HSPH1: variants seen among roughly 807,000 people sequenced by gnomAD.
The protein encoded by HSPH1 is heat shock protein family H (Hsp110) member 1, also known as heat shock protein 105 kDa.
Under a neutral mutation model 100.0 loss-of-function variants are expected in HSPH1, and 40 were observed. That is an observed-to-expected ratio of 0.40 (90% CI 0.31 to 0.52). The LOEUF (loss-of-function observed/expected upper bound fraction) is 0.52, where lower values mean the gene tolerates loss of function less well. Among genes scored for constraint, HSPH1 ranks in the 20% least tolerant of loss-of-function variants. The pLI is 0.54. For missense variants in HSPH1, 876 were observed against 1,015.1 expected, an observed-to-expected ratio of 0.86 and a Z score of 1.86; for synonymous variants, 403 against 344.0, an observed-to-expected ratio of 1.17 and a Z score of -1.90.
chr13:31,145,888 G>A (rs948836339), intron 10 of HSPH1, 120 bp from the exon 11 acceptor site: 3 of 816,056 alleles, frequency 3.7e-6, no homozygotes, highest in South Asian at 1.7e-5. Flanking sequence ...GGGAGGCCGT[G>A]GTGGGTCACT....
At chr13:31,157,181 C>G (rs1956729949) in intron 2 of HSPH1, among the ~76,000 whole-genome samples, 1 of 152,182 alleles carries the variant, frequency 6.6e-6, no homozygotes, top group Non-Finnish European at 1.5e-5. Context: ...TGAAGTATGT[C>G]TAGTAGTATA....
Position 31,140,292 on chromosome 13 carries a change from T to C in HSPH1, c.1872A>G (p.Gln624=). The C allele has an allele frequency of 6.2e-7, 1 of 1,610,268 alleles. No homozygotes were observed. The highest frequency in any genetic ancestry group is 1.1e-5 in the South Asian group (1 of 90,968). ...YIETEGKMIM[Q]DKLEKERNDA... ...CATTCCTTTCTTTTTCCAATTTATC[T>C]TGCATTATCATCTTACCCTGTCAGG... Residue 624 remains glutamine, a synonymous_variant, in exon 14 of 18, where the codon CAA becomes CAG. Coordinates refer to ENST00000320027, the MANE Select transcript of HSPH1 (RefSeq NM_006644.4).
At chr13:31,158,778 G>C (rs1334388267) in intron 2 of HSPH1, 28 bp downstream of exon 2, 2 of 1,497,216 alleles carry the variant, frequency 1.3e-6, no homozygotes, top group Non-Finnish European at 1.9e-6. Context: ...CCCTTAAAAA[G>C]TGATCCGAAT....
chr13:31,148,889 T>C (rs1956374791), intron 8 of HSPH1, among the ~76,000 whole-genome samples: 1 of 152,116 alleles, frequency 6.6e-6, no homozygotes, highest in African/African-American at 2.4e-5. Context: ...AGGGCCATAA[T>C]GTTCATATTT....
At chr13:31,148,565 G>GT in intron 8 of HSPH1, 85 bp from the exon 9 acceptor site, 1 of 162,908 alleles carries the variant, frequency 6.1e-6, no homozygotes, top group Non-Finnish European at 1.1e-5. Context: ...TGGATGGACA[G>GT]GGTTTTCAAA....
chr13:31,160,826 A>G (rs1288513890), intron 1 of HSPH1, among the ~76,000 whole-genome samples: 2 of 152,230 alleles, frequency 1.3e-5, no homozygotes, highest in African/African-American at 4.8e-5. Flanking sequence ...GATCCCGGGC[A>G]TTAAGGCCAA....
In HSPH1 at chr13:31,140,416, G is replaced by C; in HGVS notation, c.1855-107C>G. 2.9e-6 allele frequency: 3 copies of C among 1,023,324 alleles called. No individual in the cohort carries two copies. The South Asian group carries it at 5.3e-5, about 18-fold the overall frequency. 63.4% of individuals were successfully genotyped at this position (1,023,324 alleles called of 1,614,324 possible). On this transcript the variant is annotated intron_variant, in intron 13 of 17. Transcript: ENST00000320027. ...AAAAAATGATACAAAACAAATTTTA[G>C]TGTTAACACAGTTCCAACTTATACC...
chr13:31,161,527 C>T lies in HSPH1; in HGVS notation c.56G>A (p.Arg19Gln), dbSNP rs775915980. The change falls in exon 1 of 18, where the codon CGG becomes CAG. Residue 19 changes from arginine to glutamine, a missense_variant. Transcript: ENST00000320027. ...GSQSCYIAVA[R>Q]AGGIETIANE... ...GGCGATGGTCTCGATGCCCCCGGCC[C>T]GGGCTACCGCGATGTAGCAGCTCTG... 1 of 1,613,982 alleles carries T rather than the reference C, an allele frequency of 6.2e-7. No individual in the cohort carries two copies. Among genetic ancestry groups the T allele is most frequent in the Non-Finnish European group, 8.5e-7 (1 of 1,179,950 alleles).
chr13:31,150,716 G>C (rs532542785), intron 7 of HSPH1, among the ~76,000 whole-genome samples: 1 of 152,322 alleles, frequency 6.6e-6, no homozygotes, highest in Admixed American at 6.5e-5. Flanking sequence ...ACGAAGACTT[G>C]AGGGTAGTAC....
At chr13:31,160,322 A>AGT (rs920839245) in intron 1 of HSPH1, among the ~76,000 whole-genome samples, 23 of 152,364 alleles carry the variant, frequency 1.5e-4, no homozygotes, top group African/African-American at 5.1e-4. Context: ...TGCTCAGAAC[A>AGT]GTCTTCCTAA....
chr13:31,137,691 C>T (rs1370934713), intron 17 of HSPH1, among the ~76,000 whole-genome samples, 167 bp from the exon 18 acceptor site: 1 of 152,086 alleles, frequency 6.6e-6, no homozygotes, highest in African/African-American at 2.4e-5. Context: ...ACATTCTGAC[C>T]AAAATAGAGT....
Position 31,141,252 on chromosome 13 carries a change from T to TC in HSPH1, c.1723dup (p.Glu575GlyfsTer5). 1 of 1,602,890 alleles carries TC rather than the reference T, an allele frequency of 6.2e-7. No individual in the cohort carries two copies. Among genetic ancestry groups the TC allele is most frequent in the Non-Finnish European group, 8.5e-7 (1 of 1,176,008 alleles). ...TTCTGGAGGCTGGTCAACTTTTTTT[T>TC]CATTTGCCTTGGGAAGAGGAATAAA... On this transcript the variant is annotated frameshift_variant, in exon 13 of 18. Transcript: ENST00000320027. LOFTEE classifies it high-confidence loss of function.
chr13:31,150,212 A>G (rs764894388), intron 7 of HSPH1, 30 bp from the exon 8 acceptor site: 2 of 1,449,140 alleles, frequency 1.4e-6, no homozygotes, highest in South Asian at 2.6e-5. Flanking sequence ...TTTTTAGAAA[A>G]GTTAAGACCA....
intron 9 of HSPH1, 90 bp from the exon 10 acceptor site, chr13:31,148,182 C>CT (rs1956339090): frequency 7.5e-7 from 1 of 1,342,206 alleles, no homozygotes. Context: ...TTTCTAAAAT[C>CT]TTTATCAATT....
In HSPH1 at chr13:31,161,641, C is replaced by G. The variant is rs775510973; in HGVS notation, c.-59G>C. 1.3e-6 allele frequency: 2 copies of G among 1,597,262 alleles called. No homozygotes were observed. The highest frequency in any genetic ancestry group is 1.1e-5 in the South Asian group (1 of 90,270). On this transcript the variant is annotated 5_prime_UTR_variant, in exon 1 of 18. Coordinates refer to ENST00000320027, the MANE Select transcript of HSPH1 (RefSeq NM_006644.4). ...CGGTCTGCGTCCTCCGGCCCCCTGC[C>G]TGCTTCTCCTGCCGCCGCTTTCTGC... is the stretch of plus-strand genomic sequence containing the variant.
At chr13:31,150,791 A>G (rs1956459244) in intron 7 of HSPH1, among the ~76,000 whole-genome samples, 156 bp downstream of exon 7, 1 of 152,178 alleles carries the variant, frequency 6.6e-6, no homozygotes, top group South Asian at 2.1e-4. Context: ...GTGCCCCTAG[A>G]GCTAGTGGTG....
chr13:31,157,684 C>CAA (rs888590685), intron 2 of HSPH1, among the ~76,000 whole-genome samples: 2 of 152,142 alleles, frequency 1.3e-5, no homozygotes, highest in African/African-American at 4.8e-5. Flanking sequence ...AAGAGCCTCT[C>CAA]AAAGAGCATT....
rs746207932 is a variant in HSPH1 at position 31,150,119 on chromosome 13, C to T, written c.972G>A (p.Leu324=). The part of the protein sequence containing the change: ...LQKIEVPLYS[L]LEQTHLKVED... ...CTACTTTGAGATGAGTTTGTTCCAACAGTGAATAAAGGGGTACTTCTATCT... is the reference window on the plus strand; with the variant it reads ...CTACTTTGAGATGAGTTTGTTCCAATAGTGAATAAAGGGGTACTTCTATCT... Residue 324 remains leucine, a synonymous_variant, in exon 8 of 18, where the codon CTG becomes CTA. Coordinates refer to ENST00000320027, the MANE Select transcript of HSPH1 (RefSeq NM_006644.4). The T allele has an allele frequency of 5.6e-6, 9 of 1,613,280 alleles. No individual in the cohort carries two copies. Among genetic ancestry groups the T allele is most frequent in the Middle Eastern group, 1.7e-4 (1 of 6,054 alleles).
intron 1 of HSPH1, among the ~76,000 whole-genome samples, chr13:31,160,526 A>T (rs1956858344): frequency 6.6e-6 from 1 of 152,182 alleles, no homozygotes; most frequent in African/African-American, 2.4e-5. Flanking sequence ...CTTGAGATGA[A>T]ATCATTTGTT....
Sources: gnomAD v4.1 joint callset for allele counts (sites outside exome capture counted in the v4.1 genomes callset) on GRCh38, gnomAD v4.1.1 for gene constraint, MANE v1.5 for transcripts, NCBI Gene and HGNC (gene_info 2026-07-23, HGNC 2026-07-21) for gene names.